Variants in SFTPD observed in about 807,000 individuals in gnomAD.
The protein encoded by SFTPD is pulmonary surfactant-associated protein D.
SFTPD carries 18 observed loss-of-function variants against 34.6 expected under a neutral mutation model. The ratio of observed to expected loss-of-function variants is 0.52; its 90% CI spans 0.36 to 0.77. The LOEUF is 0.77. Ranked by LOEUF, SFTPD falls within the 30% of genes least tolerant of loss-of-function variation. SFTPD has a pLI of 0.00. For missense variants in SFTPD, 433 were observed against 468.9 expected (o/e 0.92, Z 0.71); for synonymous variants, 155 against 180.9 (o/e 0.86, Z 1.15).
At position 79,942,769 on chromosome 10, in the gene SFTPD, GCCCAGTGT is replaced by G; in HGVS notation, c.302_309del (p.Asp101AlafsTer62). 1 of 1,602,456 alleles carries G rather than the reference GCCCAGTGT, an allele frequency of 6.2e-7. No individual in the cohort carries two copies. The highest frequency in any genetic ancestry group is 1.3e-5 in the African/African-American group (1 of 74,798). ...TCGACACCCAGTTGCTCACCACTTG[GCCCAGTGT>G]CTCCCTTTGGTCCAGGTTCTCCAAC... is the stretch of plus-strand genomic sequence containing the variant. On this transcript the variant is annotated frameshift_variant, in exon 3 of 8. Coordinates refer to ENST00000372292, the MANE Select transcript of SFTPD (RefSeq NM_003019.5). LOFTEE classifies it high-confidence loss of function.
intron 1 of SFTPD, among the ~76,000 whole-genome samples, chr10:79,957,409 T>A (rs964043749): frequency 6.6e-6 from 1 of 151,762 alleles, no homozygotes; most frequent in Non-Finnish European, 1.5e-5. Flanking sequence ...GTGAAAAAAA[T>A]TAGAGGAATG....
intron 1 of SFTPD, among the ~76,000 whole-genome samples, chr10:79,960,055 T>A (rs1034841288): frequency 4.0e-5 from 6 of 151,892 alleles, no homozygotes; most frequent in African/African-American, 1.5e-4. Context: ...CACATGATTA[T>A]CTCAATAGAT....
At chr10:79,968,553 T>A (rs1352904500) in intron 1 of SFTPD, 1 of 152,276 alleles carries the variant, frequency 6.6e-6, no homozygotes, top group Non-Finnish European at 1.5e-5. Flanking sequence ...AGTTTCATTA[T>A]CCGGTCCACT....
At chr10:79,963,659 T>A (rs1473834441) in intron 1 of SFTPD, among the ~76,000 whole-genome samples, 1 of 152,224 alleles carries the variant, frequency 6.6e-6, no homozygotes, top group African/African-American at 2.4e-5. Context: ...AACATTTACA[T>A]AATCTCCTTT....
chr10:79,942,581 A>G, intron 3 of SFTPD, 77 bp from the exon 4 acceptor site: 1 of 1,056,096 alleles, frequency 9.5e-7, no homozygotes, highest in Non-Finnish European at 1.5e-6. Flanking sequence ...TGAGGGTAAT[A>G]ACAGAGGTAA....
chr10:79,944,986 G>A (rs1842651204), intron 2 of SFTPD, among the ~76,000 whole-genome samples: 1 of 152,050 alleles, frequency 6.6e-6, no homozygotes, highest in Non-Finnish European at 1.5e-5. Context: ...GGATGCTGAG[G>A]ATTCTGAGGG....
chr10:79,957,352 G>C (rs10887244), intron 1 of SFTPD, among the ~76,000 whole-genome samples: 22,231 of 151,974 alleles, frequency 0.15, 2,060 homozygotes, highest in East Asian at 0.41. Flanking sequence ...CAAACTATTC[G>C]GAGCTACAGG....
intron 1 of SFTPD, among the ~76,000 whole-genome samples, chr10:79,977,790 CT>C (rs150071836): frequency 8.2e-4 from 125 of 151,618 alleles, no homozygotes; most frequent in African/African-American, 2.5e-3. Flanking sequence ...AGATTTACTT[CT>C]TTTTTTTCCT....
chr10:79,937,918 G>A lies in SFTPD; in HGVS notation c.1062C>T (p.Ile354=). 2 of 1,596,142 alleles carry A rather than the reference G, an allele frequency of 1.3e-6. No individual in the cohort carries two copies. The highest frequency in any genetic ancestry group is 1.7e-6 in the Non-Finnish European group (2 of 1,168,212). Residue 354 remains isoleucine, a synonymous_variant, in exon 8 of 8, where the codon ATC becomes ATT. Transcript: ENST00000372292. ...DDGGSEDCVE[I]FTNGKWNDRA... ...TGTCATTCCACTTGCCATTGGTGAAGATCTCCACACAGTCCTCTGACCCGC... is the reference window on the plus strand; with the variant it reads ...TGTCATTCCACTTGCCATTGGTGAAAATCTCCACACAGTCCTCTGACCCGC...
chr10:79,981,571 A>G (rs1842890411), intron 1 of SFTPD, among the ~76,000 whole-genome samples: 1 of 151,998 alleles, frequency 6.6e-6, no homozygotes, highest in Admixed American at 6.5e-5. Context: ...GAGCGAGGCG[A>G]CGGTTGCCGG....
At chr10:79,980,080 C>G (rs1296093252) in intron 1 of SFTPD, among the ~76,000 whole-genome samples, 1 of 152,124 alleles carries the variant, frequency 6.6e-6, no homozygotes, top group East Asian at 1.9e-4. Context: ...TCACCCCCTG[C>G]TAACTAAAGA....
At chr10:79,940,934 G>C (rs1187309823) in intron 6 of SFTPD, 146 bp from the exon 7 acceptor site, 3 of 606,008 alleles carry the variant, frequency 5.0e-6, no homozygotes, top group Non-Finnish European at 9.0e-6. Flanking sequence ...GACACAGCTG[G>C]CCTCTGCTGT....
At chr10:79,939,754 C>T (rs1016182627) in intron 7 of SFTPD, among the ~76,000 whole-genome samples, 2 of 152,234 alleles carry the variant, frequency 1.3e-5, no homozygotes, top group Non-Finnish European at 2.9e-5. Flanking sequence ...GTGTTGCACC[C>T]AGTCAGCCCT....
intron 1 of SFTPD, among the ~76,000 whole-genome samples, chr10:79,962,066 G>A (rs1842776490): frequency 1.4e-5 from 2 of 142,934 alleles, no homozygotes; most frequent in African/African-American, 2.6e-5. Flanking sequence ...AACACCACAT[G>A]TTCTCACTCA....
intron 6 of SFTPD, 151 bp downstream of exon 6, chr10:79,941,247 T>C: frequency 1.4e-6 from 1 of 705,084 alleles, no homozygotes; most frequent in Non-Finnish European, 2.4e-6. Flanking sequence ...TGCTCCTGCC[T>C]TCCAGCCTGT....
In SFTPD at chr10:79,938,111, G is replaced by A. The variant is rs1010400165; in HGVS notation, c.869C>T (p.Ser290Phe). The A allele has an allele frequency of 1.2e-6, 2 of 1,614,054 alleles. No individual in the cohort carries two copies. Among genetic ancestry groups the A allele is most frequent in the African/African-American group, 2.7e-5 (2 of 74,926 alleles). ...GGCATTCTCAGCGGCAGAGCGTGGA[G>A]AGGCCAACTGTCCACCAGCCTGTGT... The part of the protein sequence containing the change: ...LCTQAGGQLA[S>F]PRSAAENAAL... Residue 290 changes from serine (S) to phenylalanine (F), a missense_variant, in exon 8 of 8, where the codon TCT becomes TTT. Transcript: ENST00000372292.
chr10:79,974,700 C>T (rs1036507466), intron 1 of SFTPD, among the ~76,000 whole-genome samples: 1 of 152,230 alleles, frequency 6.6e-6, no homozygotes, highest in Admixed American at 6.5e-5. Flanking sequence ...CCTCATCACA[C>T]CCTTCTATTC....
chr10:79,979,583 A>G (rs992901822), intron 1 of SFTPD, among the ~76,000 whole-genome samples: 1 of 152,208 alleles, frequency 6.6e-6, no homozygotes, highest in Non-Finnish European at 1.5e-5. Context: ...TTCAGCCAGC[A>G]CTCACAGAGG....
intron 1 of SFTPD, among the ~76,000 whole-genome samples, chr10:79,947,049 C>T (rs1440247387): frequency 6.6e-6 from 1 of 152,228 alleles, no homozygotes; most frequent in African/African-American, 2.4e-5. Flanking sequence ...CCCCCGCCCA[C>T]TCCCTAGACC....
Sources: gnomAD v4.1 joint callset for allele counts (sites outside exome capture counted in the v4.1 genomes callset) on GRCh38, gnomAD v4.1.1 for gene constraint, MANE v1.5 for transcripts, NCBI Gene and HGNC (gene_info 2026-07-23, HGNC 2026-07-21) for gene names.